The following CFDP1 variants were observed in gnomAD, a reference collection of about 807,000 sequenced individuals.
The protein encoded by CFDP1 is chromatin remodeling protein CFDP1.
A neutral mutation model predicts 40.1 loss-of-function variants in CFDP1; 31 were observed. That is an observed-to-expected ratio of 0.77 (90% confidence interval 0.58 to 1.04). CFDP1 has a LOEUF of 1.04. Ranked by LOEUF, CFDP1 falls within the 50% of genes least tolerant of loss-of-function variation. CFDP1 has a pLI of 0.00. For missense variants in CFDP1, 423 were observed against 343.4 expected (o/e 1.23, Z -1.83); for synonymous variants, 167 against 120.0 (o/e 1.39, Z -2.56).
intron 5 of CFDP1, among the ~76,000 whole-genome samples, chr16:75,379,249 T>C (rs1345322138): frequency 6.7e-6 from 1 of 148,604 alleles, no homozygotes; most frequent in African/African-American, 2.5e-5. Context: ...GTAAATGAAA[T>C]TGAAAACATA....
At chr16:75,355,888 C>G (rs1470378183) in intron 5 of CFDP1, among the ~76,000 whole-genome samples, 1 of 152,232 alleles carries the variant, frequency 6.6e-6, no homozygotes, top group African/African-American at 2.4e-5. Context: ...ACAAATTACC[C>G]AGTCTCGGCT....
intron 5 of CFDP1, among the ~76,000 whole-genome samples, chr16:75,380,769 G>A (rs1348147977): frequency 6.6e-6 from 1 of 152,018 alleles, no homozygotes; most frequent in Non-Finnish European, 1.5e-5. Flanking sequence ...CATAAAAATT[G>A]GCCCAGGCAA....
intron 5 of CFDP1, among the ~76,000 whole-genome samples, chr16:75,308,412 T>G (rs1441175733): frequency 1.3e-5 from 2 of 152,212 alleles, no homozygotes; most frequent in Non-Finnish European, 1.5e-5. Flanking sequence ...TGTCTTATGT[T>G]CTGCTTTGAG....
chr16:75,324,209 GA>G (rs1399526961), intron 5 of CFDP1, among the ~76,000 whole-genome samples: 1 of 152,102 alleles, frequency 6.6e-6, no homozygotes, highest in Non-Finnish European at 1.5e-5. Context: ...CTGAGATGGG[GA>G]AAGCTATAGA....
chr16:75,321,839 T>C (rs931346105), intron 5 of CFDP1: 1 of 152,204 alleles, frequency 6.6e-6, no homozygotes, highest in African/African-American at 2.4e-5. Flanking sequence ...CTTTTTCTTT[T>C]TCGAGACCAA....
chr16:75,412,810 T>C (rs2079174753), intron 2 of CFDP1, 56 bp from the exon 3 acceptor site: 3 of 1,372,386 alleles, frequency 2.2e-6, no homozygotes, highest in Non-Finnish European at 3.1e-6. Context: ...ATTTCAGTTA[T>C]CCCTCTCCCA....
chr16:75,336,904 T>G (rs2078492707), intron 5 of CFDP1, among the ~76,000 whole-genome samples: 1 of 152,250 alleles, frequency 6.6e-6, no homozygotes. Flanking sequence ...TTGTATTTCC[T>G]TTCTTGCGAG....
intron 1 of CFDP1, among the ~76,000 whole-genome samples, chr16:75,421,836 T>A (rs955017526): frequency 6.6e-6 from 1 of 152,116 alleles, no homozygotes; most frequent in East Asian, 1.9e-4. Flanking sequence ...TCTGGGGAAG[T>A]GGTTCCAAGA....
rs563742597 is a variant in CFDP1, at chr16:75,416,602, A to G, written c.65-1907T>C. ...TGTGAAACCCTGTCTCTACAAAAAA[A>G]TACAAAAATTAGCTGGGCTTGGTGG... On this transcript the variant is annotated intron_variant, in intron 1 of 6. Transcript: ENST00000283882. Among the ~76,000 whole-genome samples the G allele has an allele frequency of 6.6e-5, 10 of 152,236 alleles. No homozygotes were observed. The South Asian group carries it at 2.1e-3, about 32-fold the overall frequency.
rs144193875 is a variant in CFDP1 at position 75,345,489 on chromosome 16, T to C, written c.651-40307A>G. ...AAACAAAACAAAAAAAAACAAAACA[T>C]TATCTGGGCATGGTGGCTATGCATC... On this transcript the variant is annotated intron_variant, in intron 5 of 6. Coordinates refer to ENST00000283882, the MANE Select transcript of CFDP1 (RefSeq NM_006324.3). Among the ~76,000 whole-genome samples the C allele has an allele frequency of 5.3e-5, 8 of 151,884 alleles. No homozygotes were observed. In the East Asian group the frequency reaches 1.5e-3, roughly 29 times the overall value.
rs187364606 is a variant in CFDP1, at chr16:75,396,381, T to C, written c.531-1172A>G. On this transcript the variant is annotated intron_variant, in intron 4 of 6. Transcript: ENST00000283882. ...GGTGAAACCCTGTCTCTACTAAAAA[T>C]ACAAAAAATTAGCCAGGCATAGTGG... Among the ~76,000 whole-genome samples, 2 of 102,426 alleles carry C rather than the reference T, an allele frequency of 2.0e-5. 1 individual carries two copies. Among genetic ancestry groups the C allele is most frequent in the Admixed American group, 2.5e-4 (2 of 7,934 alleles). The allele number at this position is 102,426 out of a possible 152,430, so 67.2% of individuals were successfully genotyped here.
intron 4 of CFDP1, among the ~76,000 whole-genome samples, chr16:75,400,426 C>T (rs533047557): frequency 6.6e-6 from 1 of 152,080 alleles, no homozygotes; most frequent in Non-Finnish European, 1.5e-5. Context: ...ACTAAAGTAC[C>T]CTAGAAAGGC....
rs551609753 is a variant in CFDP1, at chr16:75,313,852, T to C, written c.651-8670A>G. ...CCTAACTAAAGCAAATGAGATTTCT[T>C]ATAGAGTCAAATGAGTGAGTGTTCA... On this transcript the variant is annotated intron_variant, in intron 5 of 6. Coordinates refer to ENST00000283882, the MANE Select transcript of CFDP1 (RefSeq NM_006324.3). Among the ~76,000 whole-genome samples the C allele has an allele frequency of 2.0e-5, 3 of 152,254 alleles. No individual in the cohort carries two copies. In the East Asian group the frequency reaches 5.8e-4, roughly 29 times the overall value.
At chr16:75,335,269 C>T (rs1010317469) in intron 5 of CFDP1, among the ~76,000 whole-genome samples, 5 of 152,188 alleles carry the variant, frequency 3.3e-5, no homozygotes, top group African/African-American at 1.2e-4. Context: ...TGTTAGATGT[C>T]TTGTCAGTGC....
chr16:75,373,743 C>T (rs2078771023), intron 5 of CFDP1, among the ~76,000 whole-genome samples: 1 of 152,194 alleles, frequency 6.6e-6, no homozygotes, highest in Admixed American at 6.5e-5. Context: ...GTATTCTGCT[C>T]TAGATACGAA....
rs1284222181 is a variant in CFDP1, at chr16:75,375,067, C to A, written c.650+20023G>T. Among the ~76,000 whole-genome samples the A allele has an allele frequency of 3.6e-5, 5 of 140,538 alleles. No individual in the cohort carries two copies. In the South Asian group the frequency reaches 6.9e-4, roughly 19 times the overall value. The allele number at this position is 140,538 out of a possible 152,430, so 92.2% of individuals were successfully genotyped here. Reference sequence around the variant, plus strand: ...TGCTTCTATGTTTCTAAAAAAAAAACCTAAATGTGTCCATATATGAAAATT... The same window carrying A: ...TGCTTCTATGTTTCTAAAAAAAAAAACTAAATGTGTCCATATATGAAAATT... On this transcript the variant is annotated intron_variant, in intron 5 of 6. Coordinates refer to ENST00000283882, the MANE Select transcript of CFDP1 (RefSeq NM_006324.3).
intron 6 of CFDP1, among the ~76,000 whole-genome samples, chr16:75,301,534 GT>G (rs2078221480): frequency 1.3e-5 from 1 of 74,944 alleles, no homozygotes; most frequent in Non-Finnish European, 2.5e-5. Context: ...GTTTTGTTGT[GT>G]CTTTTTTTTT....
intron 5 of CFDP1, among the ~76,000 whole-genome samples, chr16:75,339,787 T>A (rs2078514042): frequency 6.6e-6 from 1 of 152,170 alleles, no homozygotes; most frequent in South Asian, 2.1e-4. Context: ...TCTGCCAACT[T>A]GAGAGCCATC....
intron 1 of CFDP1, among the ~76,000 whole-genome samples, chr16:75,430,749 C>CGA (rs1406235011): frequency 1.3e-5 from 2 of 152,212 alleles, no homozygotes; most frequent in African/African-American, 2.4e-5. Flanking sequence ...TAGGCTCGAG[C>CGA]CACTGCTCGG....
Sources: gnomAD v4.1 joint callset for allele counts (sites outside exome capture counted in the v4.1 genomes callset) on GRCh38, gnomAD v4.1.1 for gene constraint, MANE v1.5 for transcripts, NCBI Gene and HGNC (gene_info 2026-07-23, HGNC 2026-07-21) for gene names.